Variants in ATP9B observed in about 807,000 individuals in gnomAD.
ATP9B encodes the protein ATPase phospholipid transporting 9B, also known as probable phospholipid-transporting ATPase IIB.
ATP9B carries 110 observed loss-of-function variants against 146.1 expected under a neutral mutation model. That is an observed-to-expected ratio of 0.75 (90% CI 0.65 to 0.88). The LOEUF is 0.88. Among genes scored for constraint, ATP9B ranks in the 40% least tolerant of loss-of-function variants. The probability of loss-of-function intolerance (pLI) is 0.00; values close to 1 mark genes in which losing one functional copy is unlikely to be tolerated. For synonymous variants in ATP9B, 604 were observed against 569.7 expected, an observed-to-expected ratio of 1.06 and a Z score of -0.86; for missense variants, 1,499 against 1,496.4, an observed-to-expected ratio of 1.00 and a Z score of -0.03.
chr18:79,082,248 T>A (rs148212868), intron 1 of ATP9B, among the ~76,000 whole-genome samples: 4,810 of 152,308 alleles, frequency 0.032, 113 homozygotes, highest in Non-Finnish European at 0.041. Context: ...GTTTTTCGGC[T>A]CCATCAGGTA....
At chr18:79,123,400 A>C (rs2094223759) in intron 4 of ATP9B, among the ~76,000 whole-genome samples, 1 of 152,122 alleles carries the variant, frequency 6.6e-6, no homozygotes, top group African/African-American at 2.4e-5. Context: ...AAAAAAAAGA[A>C]AGGTCTAAAT....
rs1454196063 is a variant in ATP9B at position 79,348,345 on chromosome 18, A to T, written c.2903+149A>T. On this transcript the variant is annotated intron_variant, in intron 25 of 29. Coordinates refer to ENST00000426216, the MANE Select transcript of ATP9B (RefSeq NM_198531.5). Reference sequence around the variant, plus strand: ...AATACTGATGTAAAAACAACATTTTACTTGGGTGAACTTCAAGACAGCACC... The same window carrying T: ...AATACTGATGTAAAAACAACATTTTTCTTGGGTGAACTTCAAGACAGCACC... The T allele has an allele frequency of 8.2e-6, 6 of 734,916 alleles. No homozygotes were observed. In the African/African-American group the frequency reaches 1.1e-4, roughly 13 times the overall value. 45.5% of individuals were successfully genotyped at this position (734,916 alleles called of 1,614,324 possible).
At chr18:79,268,140 T>A (rs1343733604) in intron 12 of ATP9B, among the ~76,000 whole-genome samples, 1 of 152,134 alleles carries the variant, frequency 6.6e-6, no homozygotes, top group East Asian at 1.9e-4. Context: ...AATTCTACTT[T>A]GTTTTGTGTT....
intron 7 of ATP9B, among the ~76,000 whole-genome samples, chr18:79,155,212 A>G (rs985039945): frequency 6.6e-6 from 1 of 152,240 alleles, no homozygotes; most frequent in Non-Finnish European, 1.5e-5. Flanking sequence ...CATTGACAGC[A>G]ATAATCCTAA....
chr18:79,204,479 A>G (rs887327935), intron 9 of ATP9B, among the ~76,000 whole-genome samples: 2 of 152,144 alleles, frequency 1.3e-5, no homozygotes, highest in Admixed American at 1.3e-4. Context: ...GCAAATTTAT[A>G]TTGGGATAAT....
intron 10 of ATP9B, among the ~76,000 whole-genome samples, chr18:79,208,349 G>A (rs1299075912): frequency 6.6e-6 from 1 of 152,188 alleles, no homozygotes; most frequent in African/African-American, 2.4e-5. Context: ...GGCAGGATGA[G>A]GCAGGTGGCA....
At chr18:79,320,151 C>T (rs1299210862) in intron 15 of ATP9B, among the ~76,000 whole-genome samples, 3 of 152,234 alleles carry the variant, frequency 2.0e-5, no homozygotes, top group South Asian at 4.1e-4. Context: ...GATCTTTTAG[C>T]TTTCATTTAT....
intron 19 of ATP9B, among the ~76,000 whole-genome samples, chr18:79,340,042 C>T (rs1361662096): frequency 1.3e-5 from 2 of 152,102 alleles, no homozygotes; most frequent in African/African-American, 2.4e-5. Flanking sequence ...GAGGCTGAGG[C>T]GGGAGGCTCA....
At chr18:79,345,599 G>T in intron 22 of ATP9B, 27 bp downstream of exon 22, 1 of 1,602,042 alleles carries the variant, frequency 6.2e-7, no homozygotes, top group Non-Finnish European at 8.5e-7. Flanking sequence ...CTGCTCACAG[G>T]GAGGTCTCCA....
Position 79,239,881 on chromosome 18 carries a change from G to A in ATP9B, c.1108-13500G>A, listed in dbSNP as rs909435984. ...GGCTGGGAGAGCATGGTTCCTGAGG[G>A]CTAAGCGTTCCCAAAGGATGAGCGG... On this transcript the variant is annotated intron_variant, in intron 11 of 29. Coordinates refer to ENST00000426216, the MANE Select transcript of ATP9B (RefSeq NM_198531.5). This position sits in a 1 kb window ranked among gnomAD's most constrained non-coding sequence, Gnocchi z 5.1. Among the ~76,000 whole-genome samples the A allele has an allele frequency of 6.6e-6, 1 of 152,202 alleles. No homozygotes were observed. Among genetic ancestry groups the A allele is most frequent in the Non-Finnish European group, 1.5e-5 (1 of 68,030 alleles).
At position 79,220,953 on chromosome 18, in the gene ATP9B, G is replaced by A. The variant is rs945316349; in HGVS notation, c.1107+6915G>A. Among the ~76,000 whole-genome samples the A allele has an allele frequency of 1.2e-4, 18 of 152,226 alleles. 1 individual carries two copies. The highest frequency in any genetic ancestry group is 6.8e-3 in the Middle Eastern group (2 of 294). ...GTGCTTTTGCCTCAGTATCTGCAGCGTCCTCTCCCGTTGCCCTCTACTGTA... is the reference window on the plus strand; with the variant it reads ...GTGCTTTTGCCTCAGTATCTGCAGCATCCTCTCCCGTTGCCCTCTACTGTA... On this transcript the variant is annotated intron_variant, in intron 11 of 29. Coordinates refer to ENST00000426216, the MANE Select transcript of ATP9B (RefSeq NM_198531.5).
At chr18:79,301,579 T>C (rs973707122) in intron 13 of ATP9B, among the ~76,000 whole-genome samples, 4 of 152,244 alleles carry the variant, frequency 2.6e-5, no homozygotes, top group African/African-American at 9.6e-5. Flanking sequence ...TAATATAGCC[T>C]AGTGTTTTAT....
intron 5 of ATP9B, among the ~76,000 whole-genome samples, chr18:79,131,680 C>T (rs2094380141): frequency 1.3e-5 from 2 of 152,148 alleles, no homozygotes; most frequent in Non-Finnish European, 2.9e-5. Flanking sequence ...ATTCACTATT[C>T]ACAATAGCCA....
intron 12 of ATP9B, among the ~76,000 whole-genome samples, chr18:79,275,930 T>A (rs1310859688): frequency 1.3e-5 from 2 of 152,222 alleles, no homozygotes; most frequent in East Asian, 3.8e-4. Flanking sequence ...TATTTAATGT[T>A]CTTTAACTTA....
chr18:79,196,068 T>G (rs1263838837), intron 9 of ATP9B, among the ~76,000 whole-genome samples: 1 of 152,192 alleles, frequency 6.6e-6, no homozygotes, highest in East Asian at 1.9e-4. Context: ...CCTGGGAAAA[T>G]GACCAGCTCC....
At chr18:79,347,733 G>C in intron 23 of ATP9B, 37 bp from the exon 24 acceptor site, 1 of 1,495,282 alleles carries the variant, frequency 6.7e-7, no homozygotes, top group Non-Finnish European at 8.9e-7. Flanking sequence ...TCCAGCGTCC[G>C]CCATGTTTGA....
rs373958517 is a variant in ATP9B at position 79,073,397 on chromosome 18, C to T, written c.119+3868C>T. Reference sequence around the variant, plus strand: ...ATCCCAGCACCCCGGGAGGCCGAGGCGGGCAGACCACTCGAAGTCAGGAGC... The same window carrying T: ...ATCCCAGCACCCCGGGAGGCCGAGGTGGGCAGACCACTCGAAGTCAGGAGC... On this transcript the variant is annotated intron_variant, in intron 1 of 29. Transcript: ENST00000426216. Among the ~76,000 whole-genome samples the T allele has an allele frequency of 2.8e-4, 42 of 152,310 alleles. No homozygotes were observed. The East Asian group carries it at 4.8e-3, about 18-fold the overall frequency.
intron 11 of ATP9B, among the ~76,000 whole-genome samples, chr18:79,235,848 G>A (rs935006056): frequency 3.3e-5 from 5 of 151,844 alleles, no homozygotes; most frequent in Non-Finnish European, 7.4e-5. Context: ...TTTTTATATC[G>A]TCTTCTGTTA....
chr18:79,238,396 GC>G (rs2095861079), intron 11 of ATP9B, among the ~76,000 whole-genome samples: 1 of 152,212 alleles, frequency 6.6e-6, no homozygotes, highest in South Asian at 2.1e-4. Flanking sequence ...TCCGGTGCAG[GC>G]CAGGAACACA....
Sources: gnomAD v4.1 joint callset for allele counts (sites outside exome capture counted in the v4.1 genomes callset) on GRCh38, gnomAD v4.1.1 for gene constraint, Gnocchi (gnomAD v3.1) non-coding constraint, MANE v1.5 for transcripts, NCBI Gene and HGNC (gene_info 2026-07-23, HGNC 2026-07-21) for gene names.